Variants in GRIK4 observed in about 807,000 individuals in gnomAD.
GRIK4 encodes glutamate receptor ionotropic, kainate 4.
A neutral mutation model predicts 104.9 loss-of-function variants in GRIK4; 40 were observed. The observed-to-expected ratio is 0.38, with a 90% CI of 0.30 to 0.50. The LOEUF (loss-of-function observed/expected upper bound fraction) is 0.50. Among genes scored for constraint, GRIK4 ranks in the 20% least tolerant of loss-of-function variants. The pLI, the probability that GRIK4 is intolerant of heterozygous loss-of-function variation, is 0.93. For synonymous variants in GRIK4, 485 were observed against 524.9 expected, an observed-to-expected ratio of 0.92 and a Z score of 1.04; for missense variants, 1,047 against 1,308.1, an observed-to-expected ratio of 0.80 and a Z score of 3.08.
intron 3 of GRIK4, among the ~76,000 whole-genome samples, chr11:120,779,111 G>A (rs1199112895): frequency 6.6e-6 from 1 of 152,198 alleles, no homozygotes; most frequent in South Asian, 2.1e-4. Context: ...GCAGGACTGC[G>A]AGAAAGATGT....
intron 6 of GRIK4, among the ~76,000 whole-genome samples, 176 bp downstream of exon 6, chr11:120,820,096 TGTG>T (rs2135543900): frequency 6.6e-6 from 1 of 151,366 alleles, no homozygotes; most frequent in South Asian, 2.1e-4. Flanking sequence ...TGTGTGTGTG[TGTG>T]TGTGTGTGTG....
At chr11:120,816,961 C>A (rs1268560283) in intron 5 of GRIK4, among the ~76,000 whole-genome samples, 6 of 152,166 alleles carry the variant, frequency 3.9e-5, no homozygotes, top group Non-Finnish European at 8.8e-5. Flanking sequence ...CTCTCCCAGG[C>A]CGTGGCCCAG....
At chr11:120,580,558 T>C (rs1445622157) in intron 1 of GRIK4, among the ~76,000 whole-genome samples, 1 of 149,718 alleles carries the variant, frequency 6.7e-6, no homozygotes, top group Non-Finnish European at 1.5e-5. Flanking sequence ...TGAGCCACCA[T>C]GCCTGGCCTC....
chr11:120,815,792 A>G (rs1292004259), intron 5 of GRIK4, among the ~76,000 whole-genome samples: 1 of 152,094 alleles, frequency 6.6e-6, no homozygotes, highest in Non-Finnish European at 1.5e-5. Context: ...GCTGATGGGC[A>G]TGGCAGGCCA....
At chr11:120,842,254 C>T (rs1416662081) in intron 8 of GRIK4, among the ~76,000 whole-genome samples, 1 of 152,080 alleles carries the variant, frequency 6.6e-6, no homozygotes, top group African/African-American at 2.4e-5. Context: ...TATTCAAGGC[C>T]CCAGTCTTCT....
intron 3 of GRIK4, among the ~76,000 whole-genome samples, chr11:120,764,597 G>GTT (rs554300146): frequency 3.8e-5 from 4 of 104,866 alleles, no homozygotes; most frequent in African/African-American, 1.7e-4. Flanking sequence ...TTTTGTTTTT[G>GTT]TTTTTTTTTT....
chr11:120,971,028 A>T (rs577858165), intron 19 of GRIK4, among the ~76,000 whole-genome samples: 72 of 152,314 alleles, frequency 4.7e-4, no homozygotes, highest in Non-Finnish European at 9.0e-4. Context: ...GCGAAGGTTG[A>T]GTAAGATAAA....
intron 3 of GRIK4, among the ~76,000 whole-genome samples, chr11:120,727,803 G>A (rs1422491870): frequency 7.2e-5 from 11 of 151,836 alleles, no homozygotes; most frequent in Admixed American, 6.6e-5. Context: ...ACTATAAGGA[G>A]CACAAGAACC....
At chr11:120,750,968 G>A (rs7948828) in intron 3 of GRIK4, among the ~76,000 whole-genome samples, 3,695 of 152,248 alleles carry the variant, frequency 0.024, 171 homozygotes, top group African/African-American at 0.084. Flanking sequence ...AGGCTCCTGA[G>A]GAACACATGT....
intron 13 of GRIK4, among the ~76,000 whole-genome samples, chr11:120,917,228 CAA>C (rs1439394965): frequency 4.3e-5 from 3 of 69,544 alleles, no homozygotes; most frequent in Non-Finnish European, 7.7e-5. Flanking sequence ...GCCTGGGTAA[CAA>C]GAGCGAAACT....
chr11:120,813,948 A>T (rs866290452), intron 4 of GRIK4, among the ~76,000 whole-genome samples: 4 of 152,098 alleles, frequency 2.6e-5, no homozygotes, highest in African/African-American at 9.7e-5. Context: ...GTGCACGGAG[A>T]ATTCTTTCCT....
chr11:120,887,335 C>G (rs887189979), intron 11 of GRIK4, among the ~76,000 whole-genome samples: 2 of 152,112 alleles, frequency 1.3e-5, no homozygotes, highest in African/African-American at 4.8e-5. Flanking sequence ...GTTGCCTGCT[C>G]AGGAAACTGC....
intron 3 of GRIK4, among the ~76,000 whole-genome samples, chr11:120,797,304 A>G (rs11821379): frequency 0.13 from 19,580 of 152,110 alleles, 3,974 homozygotes; most frequent in African/African-American, 0.43. Flanking sequence ...GTATCATATT[A>G]TTCCTCATTA....
chr11:120,608,710 T>C lies in GRIK4; in HGVS notation c.-158-44975T>C, dbSNP rs557194377. ...CGGTGCAAACAACTGTCAGGGCTTG[T>C]GTCTCTGCAGGGCCCAGAAGGTGCC... On this transcript the variant is annotated intron_variant, in intron 1 of 20. Transcript: ENST00000527524. Among the ~76,000 whole-genome samples, 86 of 152,330 alleles carry C rather than the reference T, an allele frequency of 5.6e-4. 1 individual carries two copies. Among genetic ancestry groups the C allele is most frequent in the African/African-American group, 1.9e-3 (79 of 41,582 alleles).
At chr11:120,702,470 G>A (rs1054360440) in intron 3 of GRIK4, among the ~76,000 whole-genome samples, 9 of 152,172 alleles carry the variant, frequency 5.9e-5, no homozygotes, top group African/African-American at 2.2e-4. Flanking sequence ...ACGTAAATTT[G>A]GGAGTAATCA....
At chr11:120,834,718 G>A (rs1015945632) in intron 7 of GRIK4, among the ~76,000 whole-genome samples, 1 of 152,188 alleles carries the variant, frequency 6.6e-6, no homozygotes, top group Non-Finnish European at 1.5e-5. Context: ...GATTTCAGGA[G>A]GATTTGCAGA....
intron 3 of GRIK4, among the ~76,000 whole-genome samples, chr11:120,769,108 C>G (rs757644271): frequency 3.3e-5 from 5 of 152,114 alleles, no homozygotes; most frequent in Non-Finnish European, 7.4e-5. Context: ...TTTAAGAAGC[C>G]CTGGTAGTAA....
chr11:120,885,171 G>A (rs551610364), intron 11 of GRIK4, among the ~76,000 whole-genome samples: 5 of 152,278 alleles, frequency 3.3e-5, no homozygotes, highest in African/African-American at 9.6e-5. Flanking sequence ...TTCTTTCCTC[G>A]GCAGCTAATT....
At chr11:120,964,327 G>T (rs1002092516) in intron 18 of GRIK4, among the ~76,000 whole-genome samples, 24 of 152,118 alleles carry the variant, frequency 1.6e-4, no homozygotes, top group African/African-American at 5.6e-4. Flanking sequence ...CAGAAACAAA[G>T]AAAATGAACA....
Sources: gnomAD v4.1 joint callset for allele counts (sites outside exome capture counted in the v4.1 genomes callset) on GRCh38, gnomAD v4.1.1 for gene constraint, MANE v1.5 for transcripts, NCBI Gene and HGNC (gene_info 2026-07-23, HGNC 2026-07-21) for gene names.